CCDC157: variants seen among roughly 807,000 people sequenced by gnomAD.
The protein encoded by CCDC157 is coiled-coil domain containing 157, also known as coiled-coil domain-containing protein 157.
A neutral mutation model predicts 70.9 loss-of-function variants in CCDC157; 60 were observed. That is an observed-to-expected ratio of 0.85 (90% CI 0.69 to 1.05). The LOEUF is 1.05. CCDC157 is among the 50% of genes least tolerant of loss of function. CCDC157 has a pLI of 0.00. For synonymous variants in CCDC157, 373 were observed against 422.4 expected, an observed-to-expected ratio of 0.88 and a Z score of 1.43; for missense variants, 943 against 984.2, an observed-to-expected ratio of 0.96 and a Z score of 0.56.
intron 4 of CCDC157, chr22:30,369,858 C>T (rs958234459): frequency 1.3e-4 from 61 of 458,158 alleles, no homozygotes; most frequent in Non-Finnish European, 1.5e-4. Context: ...TACTTTGAAC[C>T]GCAGTTTCTT....
rs1933362927 is a variant in CCDC157 at position 30,376,353 on chromosome 22, T to G, written c.1946+6T>G. 1 of 1,611,718 alleles carries G rather than the reference T, an allele frequency of 6.2e-7. No individual in the cohort carries two copies. The highest frequency in any genetic ancestry group is 1.7e-5 in the Admixed American group (1 of 59,654). On this transcript the variant is annotated splice_donor_region_variant and intron_variant, in intron 11 of 11. Transcript: ENST00000338306. ...GCCAAGAGCACATCCCCAGGGTGAG[T>G]GAGGCTTTACTGGAGGTGGGGCAGG...
At chr22:30,363,626 T>C (rs988168207) in intron 2 of CCDC157, among the ~76,000 whole-genome samples, 8 of 152,000 alleles carry the variant, frequency 5.3e-5, no homozygotes, top group South Asian at 2.1e-4. Flanking sequence ...GTGACTAGTT[T>C]ATAGTGATCT....
chr22:30,359,349 G>A (rs562565358), intron 1 of CCDC157, among the ~76,000 whole-genome samples: 2 of 152,338 alleles, frequency 1.3e-5, no homozygotes, highest in African/African-American at 2.4e-5. Flanking sequence ...TGTGTTGTGA[G>A]TATCATGGGG....
chr22:30,360,104 A>G (rs1932226631), intron 1 of CCDC157, among the ~76,000 whole-genome samples: 1 of 152,234 alleles, frequency 6.6e-6, no homozygotes, highest in African/African-American at 2.4e-5. Context: ...TGACAGCACC[A>G]CTGCACTGCA....
Position 30,370,606 on chromosome 22 carries a change from T to G in CCDC157, c.701T>G (p.Val234Gly), listed in dbSNP as rs1477697427. The change falls in exon 5 of 12, where the codon GTG (valine) becomes GGG (glycine). Residue 234 changes from valine (V) to glycine (G), a missense_variant. By Grantham distance (109) the Val-to-Gly change is moderately radical (BLOSUM62 -3). Coordinates refer to ENST00000338306, the MANE Select transcript of CCDC157 (RefSeq NM_001017437.5). ...AGCGTCCAGGGAAGCCTGCAGAAGG[T>G]GGGCAAGGTGGTCATCAGCCTGTGT... is the stretch of plus-strand genomic sequence containing the variant. ...CASVQGSLQK[V>G]GKVVISLCQS... 4.3e-6 allele frequency: 7 copies of G among 1,613,808 alleles called. No homozygotes were observed. Among genetic ancestry groups the G allele is most frequent in the Non-Finnish European group, 5.9e-6 (7 of 1,180,004 alleles).
chr22:30,356,884 C>A, upstream of CCDC157: 1 of 1,101,988 alleles, frequency 9.1e-7, no homozygotes, highest in South Asian at 3.7e-5. Context: ...ACGACGAGCT[C>A]GCAAGATGGC....
intron 2 of CCDC157, among the ~76,000 whole-genome samples, chr22:30,364,083 C>A (rs1207390984): frequency 2.0e-5 from 3 of 152,110 alleles, no homozygotes; most frequent in Non-Finnish European, 4.4e-5. Context: ...ACTGCTTGAA[C>A]CCAGAAGTTT....
rs761129379 is a variant in CCDC157, at chr22:30,369,823, T to C, written c.420+220T>C. ...CCTTGCTCCCTGGCTCTGACATCCC[T>C]GTGGGACTTTGGAAAAATCTTGCCT... On this transcript the variant is annotated intron_variant, in intron 4 of 11. Coordinates refer to ENST00000338306, the MANE Select transcript of CCDC157 (RefSeq NM_001017437.5). The C allele has an allele frequency of 2.0e-4, 94 of 481,712 alleles. 3 individuals are homozygous for C. The highest frequency in any genetic ancestry group is 1.4e-3 in the South Asian group (30 of 21,320). The allele number at this position is 481,712 out of a possible 1,614,324, so 29.8% of individuals were successfully genotyped here.
At chr22:30,372,411 TG>T in intron 7 of CCDC157, 125 bp downstream of exon 7, 1 of 1,312,704 alleles carries the variant, frequency 7.6e-7, no homozygotes, top group Non-Finnish European at 1.0e-6. Flanking sequence ...CCTCCAGGTG[TG>T]GGGGTTGACT....
intron 3 of CCDC157, among the ~76,000 whole-genome samples, chr22:30,367,267 G>A (rs1264922289): frequency 1.3e-5 from 2 of 148,468 alleles, no homozygotes; most frequent in Non-Finnish European, 3.0e-5. Context: ...TTTTTTCTTC[G>A]GAGTTTTGCT....
rs750906531 is a variant in CCDC157, at chr22:30,369,633, C to G, written c.420+30C>G. The stretch of plus-strand genomic sequence containing the variant: ...GTCCCAGCCTCTGTCTCAGGTGGGT[C>G]AGCCTCAGCCTCTATCTCCCCACTG... On this transcript the variant is annotated intron_variant, in intron 4 of 11. Coordinates refer to ENST00000338306, the MANE Select transcript of CCDC157 (RefSeq NM_001017437.5). 189 of 1,453,566 alleles carry G rather than the reference C, an allele frequency of 1.3e-4. 3 individuals are homozygous for G. The Middle Eastern group carries it at 2.4e-3, about 19-fold the overall frequency. The allele number at this position is 1,453,566 out of a possible 1,614,324, so 90.0% of individuals were successfully genotyped here. A position where few individuals can be genotyped will look rare whatever the true frequency, so the allele number is the denominator to read the frequency against.
Position 30,376,588 on chromosome 22 carries a change from C to G in CCDC157, c.2102C>G (p.Pro701Arg). 6.2e-7 allele frequency: 1 copy of G among 1,613,722 alleles called. No homozygotes were observed. Among genetic ancestry groups the G allele is most frequent in the Non-Finnish European group, 8.5e-7 (1 of 1,179,938 alleles). Residue 701 changes from proline to arginine, a missense_variant, in exon 12 of 12, where the codon CCC becomes CGC. Pro to Arg is a moderately radical substitution (Grantham distance 103). Coordinates refer to ENST00000338306, the MANE Select transcript of CCDC157 (RefSeq NM_001017437.5). Reference sequence around the variant, plus strand: ...CCCTGCACATCCCCATCTCGGCAGCCCTGCAGCCAGCCCAGCAAGTCCTTG... The same window carrying G: ...CCCTGCACATCCCCATCTCGGCAGCGCTGCAGCCAGCCCAGCAAGTCCTTG... ...RQPCTSPSRQPCSQPSKSLLE... is the reference protein window; with the variant it reads ...RQPCTSPSRQRCSQPSKSLLE...
rs777437019 is a variant in CCDC157 at position 30,376,785 on chromosome 22, C to T, written c.*40C>T. Reference sequence around the variant, plus strand: ...CTGAGGCTGGATGGGAGGTGGCTGGCAGCCCACCCACTGTAATAAAGCCCC... The same window carrying T: ...CTGAGGCTGGATGGGAGGTGGCTGGTAGCCCACCCACTGTAATAAAGCCCC... On this transcript the variant is annotated 3_prime_UTR_variant, in exon 12 of 12. Coordinates refer to ENST00000338306, the MANE Select transcript of CCDC157 (RefSeq NM_001017437.5). 51 of 1,567,292 alleles carry T rather than the reference C, an allele frequency of 3.3e-5. No homozygotes were observed. The highest frequency in any genetic ancestry group is 4.3e-5 in the Non-Finnish European group (49 of 1,149,672).
At position 30,376,999 on chromosome 22, in the gene CCDC157, T is replaced by G; in HGVS notation, c.*254T>G. On this transcript the variant is annotated 3_prime_UTR_variant, in exon 12 of 12. Coordinates refer to ENST00000338306, the MANE Select transcript of CCDC157 (RefSeq NM_001017437.5). ...TTCCCTCCCGACAGAGGCTGTGGGA[T>G]AGGAGAGTACACCCAGGGCAGAGGA... The G allele has an allele frequency of 1.8e-6, 1 of 568,134 alleles. No individual in the cohort carries two copies. Among genetic ancestry groups the G allele is most frequent in the Non-Finnish European group, 3.1e-6 (1 of 317,584 alleles). 35.2% of individuals were successfully genotyped at this position (568,134 alleles called of 1,614,324 possible).
rs375094039 is a variant in CCDC157 at position 30,367,163 on chromosome 22, G to A, written c.248+915G>A. 15 of 150,792 alleles carry A rather than the reference G, an allele frequency of 9.9e-5. No individual in the cohort carries two copies. In the East Asian group the frequency reaches 2.9e-3, roughly 30 times the overall value. The allele number at this position is 150,792 out of a possible 1,614,324, so 9.3% of individuals were successfully genotyped here. A position where few individuals can be genotyped will look rare whatever the true frequency, so the allele number is the denominator to read the frequency against. The stretch of plus-strand genomic sequence containing the variant: ...TGGGAGGTTAATGGGAGGATCATCT[G>A]AGAGTTCAAGACCAGCCTGGGCAAC... On this transcript the variant is annotated intron_variant, in intron 3 of 11. Transcript: ENST00000338306.
rs1029605095 is a variant in CCDC157, at chr22:30,376,962, G to A, written c.*217G>A. On this transcript the variant is annotated 3_prime_UTR_variant, in exon 12 of 12. Coordinates refer to ENST00000338306, the MANE Select transcript of CCDC157 (RefSeq NM_001017437.5). ...TGGCACTATGGGCCCTCAGTAAAAG[G>A]GGCCTTCCTGCTTCCCTCCCGACAG... The A allele has an allele frequency of 1.7e-6, 1 of 597,548 alleles. No individual in the cohort carries two copies. The highest frequency in any genetic ancestry group is 1.9e-5 in the African/African-American group (1 of 53,810). The allele number at this position is 597,548 out of a possible 1,614,324, so 37.0% of individuals were successfully genotyped here.
chr22:30,374,577 C>T lies in CCDC157; in HGVS notation c.1672+486C>T, dbSNP rs1273183905. On this transcript the variant is annotated intron_variant, in intron 9 of 11. Transcript: ENST00000338306. ...GGATATCAGGTGACCTGGGTTCTCCCAGCCCCTCCAGACCCCTAAAGCACT... is the reference window on the plus strand; with the variant it reads ...GGATATCAGGTGACCTGGGTTCTCCTAGCCCCTCCAGACCCCTAAAGCACT... 8.7e-6 allele frequency: 4 copies of T among 457,762 alleles called. No individual in the cohort carries two copies. The Admixed American group carries it at 9.4e-5, about 11-fold the overall frequency. 28.4% of individuals were successfully genotyped at this position (457,762 alleles called of 1,614,324 possible).
At chr22:30,376,397 C>T in intron 11 of CCDC157, 36 bp from the exon 12 acceptor site, 2 of 1,613,432 alleles carry the variant, frequency 1.2e-6, no homozygotes, top group South Asian at 2.2e-5. Context: ...GTGTTCCCTG[C>T]ATTCACAGGG....
intron 10 of CCDC157, 54 bp from the exon 11 acceptor site, chr22:30,376,205 T>C (rs1933345434): frequency 2.0e-6 from 3 of 1,503,832 alleles, no homozygotes; most frequent in Middle Eastern, 1.8e-4. Context: ...CTCTGTACAG[T>C]GGGGAGGGGA....
Sources: gnomAD v4.1 joint callset for allele counts (sites outside exome capture counted in the v4.1 genomes callset) on GRCh38, gnomAD v4.1.1 for gene constraint, MANE v1.5 for transcripts, NCBI Gene and HGNC (gene_info 2026-07-23, HGNC 2026-07-21) for gene names.